Variants in GRM8 observed in about 807,000 individuals in gnomAD.
GRM8 encodes the protein glutamate metabotropic receptor 8, also known as metabotropic glutamate receptor 8.
GRM8 carries 47 observed loss-of-function variants against 87.2 expected under a neutral mutation model. The ratio of observed to expected loss-of-function variants is 0.54; its 90% CI spans 0.43 to 0.69. The LOEUF is 0.69. Among genes scored for constraint, GRM8 ranks in the 30% least tolerant of loss-of-function variants. GRM8 has a pLI of 0.00. For synonymous variants in GRM8, 396 were observed against 404.5 expected, an observed-to-expected ratio of 0.98 and a Z score of 0.25; for missense variants, 1,019 against 1,139.2, an observed-to-expected ratio of 0.89 and a Z score of 1.52.
At chr7:126,589,914 C>G (rs979093392) in intron 8 of GRM8, among the ~76,000 whole-genome samples, 11 of 152,034 alleles carry the variant, frequency 7.2e-5, no homozygotes, top group African/African-American at 1.2e-4. Context: ...TCTGACATAG[C>G]CTACACAAAT....
intron 2 of GRM8, among the ~76,000 whole-genome samples, chr7:127,137,039 A>G (rs1265023924): frequency 6.6e-6 from 1 of 152,150 alleles, no homozygotes; most frequent in Non-Finnish European, 1.5e-5. Flanking sequence ...TGCAAAGGGC[A>G]TAGGTTTTAC....
chr7:127,074,678 T>C lies in GRM8; in HGVS notation c.727+31818A>G, dbSNP rs1003993115. Among the ~76,000 whole-genome samples the C allele has an allele frequency of 2.0e-5, 3 of 152,294 alleles. No individual in the cohort carries two copies. In the East Asian group the frequency reaches 5.8e-4, roughly 29 times the overall value. ...TTGCCTGTAAGACCAAAATATTTCA[T>C]CCAGTCTCCTGGCCCTGTCTCCTAA... is the stretch of plus-strand genomic sequence containing the variant. On this transcript the variant is annotated intron_variant, in intron 3 of 10. Transcript: ENST00000339582.
intron 9 of GRM8, among the ~76,000 whole-genome samples, chr7:126,501,250 G>C (rs1457113878): frequency 1.3e-5 from 2 of 152,020 alleles, no homozygotes; most frequent in Non-Finnish European, 2.9e-5. Context: ...GCAAAGGATA[G>C]TCAAAGGAGC....
chr7:126,732,823 A>C (rs1365126349), intron 7 of GRM8, among the ~76,000 whole-genome samples: 1 of 152,144 alleles, frequency 6.6e-6, no homozygotes, highest in Non-Finnish European at 1.5e-5. Context: ...AATTTTCTTA[A>C]GAATAGTTTA....
chr7:127,137,269 C>T (rs991808278), intron 2 of GRM8, among the ~76,000 whole-genome samples: 3 of 151,818 alleles, frequency 2.0e-5, no homozygotes, highest in Admixed American at 2.0e-4. Context: ...TAGCACAATG[C>T]CAGAGAGTAG....
intron 8 of GRM8, among the ~76,000 whole-genome samples, chr7:126,586,050 G>A (rs548836897): frequency 6.6e-6 from 1 of 152,166 alleles, no homozygotes; most frequent in South Asian, 2.1e-4. Flanking sequence ...GACAAACAGA[G>A]AGCCAAATCA....
intron 6 of GRM8, among the ~76,000 whole-genome samples, chr7:126,893,753 TA>T (rs994011559): frequency 5.9e-5 from 9 of 151,516 alleles, no homozygotes; most frequent in South Asian, 4.2e-4. Context: ...TCATAAGTAA[TA>T]AAAAAAAATC....
intron 1 of GRM8, among the ~76,000 whole-genome samples, chr7:127,245,633 G>C (rs1286774259): frequency 2.6e-5 from 4 of 152,160 alleles, no homozygotes; most frequent in African/African-American, 9.7e-5. Context: ...GCATCTCATA[G>C]CTTTGTTTGG....
intron 3 of GRM8, among the ~76,000 whole-genome samples, chr7:127,093,741 T>A (rs1824377153): frequency 6.6e-6 from 1 of 152,162 alleles, no homozygotes. Context: ...CTGACTTGAG[T>A]TTCACTTTCT....
chr7:126,622,953 G>A (rs774355613), intron 7 of GRM8, among the ~76,000 whole-genome samples: 39 of 152,146 alleles, frequency 2.6e-4, no homozygotes, highest in Non-Finnish European at 3.2e-4. Context: ...GTATCTCCAC[G>A]TTATTGTTTG....
intron 7 of GRM8, among the ~76,000 whole-genome samples, chr7:126,755,045 A>C (rs1432839886): frequency 7.0e-6 from 1 of 142,410 alleles, no homozygotes; most frequent in African/African-American, 2.5e-5. Flanking sequence ...TTTGTAGCTC[A>C]TTTGAAAGGT....
intron 3 of GRM8, among the ~76,000 whole-genome samples, chr7:126,920,567 G>A (rs958101863): frequency 5.3e-5 from 8 of 152,298 alleles, no homozygotes; most frequent in African/African-American, 1.9e-4. Context: ...AGGCCCTGGA[G>A]TGGAGGTACC....
intron 9 of GRM8, among the ~76,000 whole-genome samples, chr7:126,532,652 T>C (rs1481788769): frequency 6.6e-6 from 1 of 151,822 alleles, no homozygotes; most frequent in African/African-American, 2.4e-5. Context: ...CAGAAAGTGA[T>C]GTGAGCTTTG....
intron 3 of GRM8, among the ~76,000 whole-genome samples, chr7:127,089,795 G>A (rs546469397): frequency 6.6e-6 from 1 of 152,254 alleles, no homozygotes; most frequent in African/African-American, 2.4e-5. Flanking sequence ...GGGAACCCAG[G>A]AAGCCTTCAC....
At chr7:127,024,455 T>C (rs1417801575) in intron 3 of GRM8, among the ~76,000 whole-genome samples, 2 of 152,064 alleles carry the variant, frequency 1.3e-5, no homozygotes, top group African/African-American at 2.4e-5. Context: ...GTTAATACGA[T>C]AGTCAGAAAA....
intron 7 of GRM8, among the ~76,000 whole-genome samples, chr7:126,662,584 G>A (rs537546615): frequency 6.6e-6 from 1 of 152,284 alleles, no homozygotes; most frequent in East Asian, 1.9e-4. Flanking sequence ...AGGAATCTCT[G>A]ATGACCTCAA....
intron 3 of GRM8, among the ~76,000 whole-genome samples, chr7:126,923,430 C>T (rs767173909): frequency 6.6e-6 from 1 of 152,128 alleles, no homozygotes; most frequent in African/African-American, 2.4e-5. Context: ...GTTTTAATAA[C>T]AAATAAGACC....
chr7:126,978,239 A>C (rs1487725051), intron 3 of GRM8, among the ~76,000 whole-genome samples: 4 of 152,010 alleles, frequency 2.6e-5, no homozygotes, highest in African/African-American at 9.7e-5. Flanking sequence ...AAGGAGAGGA[A>C]AAGGAGAAGA....
intron 9 of GRM8, among the ~76,000 whole-genome samples, chr7:126,480,020 G>A (rs947569822): frequency 7.9e-5 from 12 of 152,038 alleles, no homozygotes; most frequent in Admixed American, 2.0e-4. Flanking sequence ...CAATCTAACC[G>A]TATTACAAAT....
Sources: gnomAD v4.1 joint callset for allele counts (sites outside exome capture counted in the v4.1 genomes callset) on GRCh38, gnomAD v4.1.1 for gene constraint, MANE v1.5 for transcripts, NCBI Gene and HGNC (gene_info 2026-07-23, HGNC 2026-07-21) for gene names.